The following PARVG variants were observed in gnomAD, a reference collection of about 807,000 sequenced individuals.
PARVG encodes gamma-parvin.
In PARVG, 36 loss-of-function variants were observed where a neutral mutation model predicts 44.4. That is an observed-to-expected ratio of 0.81 (90% CI 0.62 to 1.07). PARVG has a LOEUF of 1.07. Among genes scored for constraint, PARVG ranks in the 50% least tolerant of loss-of-function variants. The pLI, the probability that PARVG is intolerant of heterozygous loss-of-function variation, is 0.00. For missense variants in PARVG, 407 were observed against 407.4 expected, an observed-to-expected ratio of 1.00 and a Z score of 0.01; for synonymous variants, 170 against 174.1, an observed-to-expected ratio of 0.98 and a Z score of 0.19.
At chr22:44,203,084 G>T (rs1313804883) in intron 12 of PARVG, among the ~76,000 whole-genome samples, 1 of 152,176 alleles carries the variant, frequency 6.6e-6, no homozygotes, top group Admixed American at 6.5e-5. Flanking sequence ...CTTACTGGGG[G>T]ATGATCTTTT....
In PARVG at chr22:44,206,738, C is replaced by T. The variant is rs551236271; in HGVS notation, c.*312C>T. On this transcript the variant is annotated 3_prime_UTR_variant, in exon 14 of 14. Transcript: ENST00000444313. The stretch of plus-strand genomic sequence containing the variant: ...TGGGGTGAGTGTGTGTCACATCAGT[C>T]TCTCATCTCTGGGCCCAGGCTAGTG... 1.2e-5 allele frequency: 4 copies of T among 346,544 alleles called. No individual in the cohort carries two copies. The highest frequency in any genetic ancestry group is 5.7e-5 in the South Asian group (2 of 35,274). 21.5% of individuals were successfully genotyped at this position (346,544 alleles called of 1,614,324 possible).
In PARVG at chr22:44,185,656, GTGAGGGAAA is replaced by G. The variant is rs1299705073; in HGVS notation, c.80-142_80-134del. On this transcript the variant is annotated intron_variant, in intron 3 of 13. Transcript: ENST00000444313. ...AGTGTCTGAGGATGAGCTGGTGTTC[GTGAGGGAAA>G]TGAGGGAAAGCACGCTGGGGCGGAA... 6 of 608,500 alleles carry G rather than the reference GTGAGGGAAA, an allele frequency of 9.9e-6. No homozygotes were observed. In the African/African-American group the frequency reaches 1.1e-4, roughly 11 times the overall value. The allele number at this position is 608,500 out of a possible 1,614,324, so 37.7% of individuals were successfully genotyped here. A position where few individuals can be genotyped will look rare whatever the true frequency, so the allele number is the denominator to read the frequency against.
chr22:44,179,446 C>G (rs2054348084), upstream of PARVG, among the ~76,000 whole-genome samples: 1 of 152,212 alleles, frequency 6.6e-6, no homozygotes, highest in Admixed American at 6.5e-5. The surrounding 1 kb of genome is among the most constrained non-coding windows in gnomAD (Gnocchi z 4.2). Context: ...AGCCCTGGGA[C>G]TGTCCTTTTC....
At chr22:44,192,645 C>A (rs559825120) in intron 8 of PARVG, among the ~76,000 whole-genome samples, 39 of 1,072 alleles carry the variant, frequency 0.036, no homozygotes, top group South Asian at 0.071. Flanking sequence ...CTCCTGCCCA[C>A]TGGGCATGGC....
rs2054615109 is a variant in PARVG, at chr22:44,196,214, G to A, written c.642+1G>A. The A allele has an allele frequency of 6.2e-7, 1 of 1,614,076 alleles. No individual in the cohort carries two copies. ...GGAGAAAGTGAACGCAGTGAAAGAG[G>A]TAGGAGAGATCAAAGCTCTCAGCGG... On this transcript the variant is annotated splice_donor_variant, in intron 10 of 13. Transcript: ENST00000444313. LOFTEE classifies it high-confidence loss of function.
At chr22:44,177,210 G>A (rs1048312062), upstream of PARVG, among the ~76,000 whole-genome samples, 7 of 152,072 alleles carry the variant, frequency 4.6e-5, no homozygotes, top group Non-Finnish European at 7.3e-5. Context: ...TTCTTTAGAC[G>A]CACACATTTA....
At chr22:44,173,200 T>G in intron 1 of PARVG, 1 of 1,240,868 alleles carries the variant, frequency 8.1e-7, no homozygotes, top group Non-Finnish European at 1.0e-6. Context: ...AGGTGAGTAA[T>G]AAAGGCTCAT....
intron 1 of PARVG, among the ~76,000 whole-genome samples, chr22:44,174,408 A>C (rs564899305): frequency 3.8e-4 from 58 of 152,240 alleles, no homozygotes; most frequent in African/African-American, 1.4e-3. Context: ...TATTATAAAA[A>C]TTGGTTTTGG....
At position 44,175,693 on chromosome 22, in the gene PARVG, G is replaced by T. The variant is rs568742971; in HGVS notation, c.-189+2502G>T. 1.6e-3 allele frequency among the ~76,000 whole-genome samples: 248 copies of T among 152,250 alleles called. 1 individual carries two copies. The Middle Eastern group carries it at 0.017, about 10-fold the overall frequency. On this transcript the variant is annotated intron_variant, in intron 1 of 13. Coordinates refer to the PARVG transcript ENST00000422871. The stretch of plus-strand genomic sequence containing the variant: ...GCTGAGGCGTTGGGTGTGGGGGGGT[G>T]GGGGTGTGCTAGGGCACAGGAACCA...
At chr22:44,191,897 C>T in intron 7 of PARVG, 152 bp from the exon 8 acceptor site, 3 of 811,282 alleles carry the variant, frequency 3.7e-6, no homozygotes, top group Non-Finnish European at 3.9e-6. Context: ...GAGGCAGACA[C>T]ATCCCCAACC....
chr22:44,176,637 G>A (rs2054321393), upstream of PARVG, among the ~76,000 whole-genome samples: 3 of 106,458 alleles, frequency 2.8e-5, no homozygotes, highest in Admixed American at 1.9e-4. Flanking sequence ...TAGGATGAGA[G>A]CAAAGGCTTT....
chr22:44,200,621 C>T (rs1024215616), intron 12 of PARVG, among the ~76,000 whole-genome samples: 11 of 152,200 alleles, frequency 7.2e-5, no homozygotes, highest in Non-Finnish European at 1.5e-4. Flanking sequence ...TGGCCTGGGG[C>T]AGGAGGACCT....
Position 44,205,702 on chromosome 22 carries a change from G to T in PARVG, c.814-55G>T, listed in dbSNP as rs924525210. On this transcript the variant is annotated intron_variant, in intron 12 of 13. Transcript: ENST00000444313. The stretch of plus-strand genomic sequence containing the variant: ...AAGGGCTTGGCACTTGGGACCCAAG[G>T]CCTGGCCTGGGGCTGCTGCTTGTGC... 1.1e-5 allele frequency: 18 copies of T among 1,604,002 alleles called. No individual in the cohort carries two copies. The South Asian group carries it at 1.3e-4, about 12-fold the overall frequency.
At chr22:44,185,922 C>T (rs1490115282) in intron 4 of PARVG, 50 bp downstream of exon 4, 2 of 1,555,680 alleles carry the variant, frequency 1.3e-6, no homozygotes, top group African/African-American at 1.4e-5. Flanking sequence ...CTTGGCAGAC[C>T]AGGCAGCGGC....
At chr22:44,195,721 C>T (rs182823864) in intron 9 of PARVG, among the ~76,000 whole-genome samples, 3 of 152,292 alleles carry the variant, frequency 2.0e-5, no homozygotes, top group Admixed American at 1.3e-4. Context: ...TGATCACCCA[C>T]CTGTGGCAGC....
chr22:44,176,095 A>T (rs1430256168), upstream of PARVG, among the ~76,000 whole-genome samples: 1 of 152,150 alleles, frequency 6.6e-6, no homozygotes, highest in African/African-American at 2.4e-5. Flanking sequence ...TCTCATTCTT[A>T]AAATGTATTG....
At chr22:44,173,523 A>T (rs1569173177) in intron 1 of PARVG, among the ~76,000 whole-genome samples, 1 of 149,592 alleles carries the variant, frequency 6.7e-6, no homozygotes, top group Non-Finnish European at 1.5e-5. Flanking sequence ...GCCTGGAGAG[A>T]AAGGCAACCA....
chr22:44,190,518 C>T, intron 6 of PARVG, 33 bp from the exon 7 acceptor site: 2 of 1,572,898 alleles, frequency 1.3e-6, no homozygotes, highest in Non-Finnish European at 1.8e-6. Flanking sequence ...TGGCGGCCTC[C>T]TGGGCTCTGA....
chr22:44,180,977 A>T lies in PARVG; in HGVS notation c.-397A>T. On this transcript the variant is annotated 5_prime_UTR_variant, in exon 1 of 14. Transcript: ENST00000444313. Reference sequence around the variant, plus strand: ...GTGTTTCTCTATCTACTGTGCTGAGATCTCTCCTTCTCGAACCCTGCTATG... The same window carrying T: ...GTGTTTCTCTATCTACTGTGCTGAGTTCTCTCCTTCTCGAACCCTGCTATG... 1.0e-6 allele frequency: 1 copy of T among 985,202 alleles called. No homozygotes were observed. The highest frequency in any genetic ancestry group is 1.2e-6 in the Non-Finnish European group (1 of 829,872). 61.0% of individuals were successfully genotyped at this position (985,202 alleles called of 1,614,324 possible).
Sources: gnomAD v4.1 joint callset for allele counts (sites outside exome capture counted in the v4.1 genomes callset) on GRCh38, gnomAD v4.1.1 for gene constraint, Gnocchi (gnomAD v3.1) non-coding constraint, MANE v1.5 for transcripts, NCBI Gene and HGNC (gene_info 2026-07-23, HGNC 2026-07-21) for gene names.